Variants in GORAB observed in about 807,000 individuals in gnomAD.
GORAB encodes golgin, RAB6 interacting, also known as RAB6-interacting golgin.
In GORAB, 17 loss-of-function variants were observed where a neutral mutation model predicts 29.9. That is an observed-to-expected ratio of 0.57 (90% CI 0.39 to 0.85). GORAB has a LOEUF of 0.85. Ranked by LOEUF, GORAB falls within the 40% of genes least tolerant of loss-of-function variation. The probability of loss-of-function intolerance (pLI) is 0.00; values close to 1 mark genes in which losing one functional copy is unlikely to be tolerated. For missense variants in GORAB, 442 were observed against 437.8 expected, an observed-to-expected ratio of 1.01 and a Z score of -0.09; for synonymous variants, 183 against 157.2, an observed-to-expected ratio of 1.16 and a Z score of -1.23.
intron 1 of GORAB, 81 bp downstream of exon 1, chr1:170,532,365 G>A: frequency 1.4e-6 from 2 of 1,476,428 alleles, no homozygotes; most frequent in South Asian, 1.1e-5. Context: ...GGGGAAAGGG[G>A]GCGTGGAAGC....
chr1:170,539,406 G>A lies in GORAB; in HGVS notation c.258G>A (p.Pro86=), dbSNP rs377442498. The change falls in exon 2 of 5, where the codon CCG becomes CCA. Residue 86 remains proline, a synonymous_variant. Coordinates refer to ENST00000367763, the MANE Select transcript of GORAB (RefSeq NM_152281.3). ...CACCTTTTTCTTCCCCTACTCTTCC[G>A]AGTCATTTCACTCTCACCTCCCCCG... is the stretch of plus-strand genomic sequence containing the variant. ...QKPPFSSPTL[P]SHFTLTSPVG... is the part of the protein sequence containing the mutation. 1.2e-4 allele frequency: 190 copies of A among 1,613,956 alleles called. No individual in the cohort carries two copies. The highest frequency in any genetic ancestry group is 1.7e-4 in the Admixed American group (10 of 59,990).
intron 2 of GORAB, among the ~76,000 whole-genome samples, chr1:170,542,018 ATATT>A (rs1649462580): frequency 6.6e-6 from 1 of 152,230 alleles, no homozygotes; most frequent in African/African-American, 2.4e-5. Flanking sequence ...TTGAAAGAAA[ATATT>A]AATATATGAA....
At chr1:170,535,033 CTG>C (rs1489496957) in intron 1 of GORAB, among the ~76,000 whole-genome samples, 1 of 152,142 alleles carries the variant, frequency 6.6e-6, no homozygotes, top group Non-Finnish European at 1.5e-5. Context: ...TGGCAGGTGA[CTG>C]TGTTGCACAG....
chr1:170,539,613 C>A, intron 2 of GORAB, 46 bp downstream of exon 2: 2 of 1,574,168 alleles, frequency 1.3e-6, no homozygotes, highest in South Asian at 1.1e-5. Flanking sequence ...TCATTTAACC[C>A]GTTTTTTCCC....
At chr1:170,547,059 G>A (rs1467514300) in intron 4 of GORAB, among the ~76,000 whole-genome samples, 2 of 152,160 alleles carry the variant, frequency 1.3e-5, no homozygotes, top group East Asian at 1.9e-4. Flanking sequence ...GACTAGAACC[G>A]TAGTGTGTCT....
At chr1:170,539,921 A>T (rs1445290162) in intron 2 of GORAB, among the ~76,000 whole-genome samples, 1 of 152,064 alleles carries the variant, frequency 6.6e-6, no homozygotes, top group Non-Finnish European at 1.5e-5. Context: ...TCTGGATCCA[A>T]AGTTTATGCC....
intron 1 of GORAB, 43 bp downstream of exon 1, chr1:170,532,327 G>C (rs760956912): frequency 1.2e-6 from 2 of 1,604,032 alleles, no homozygotes; most frequent in East Asian, 4.5e-5. Flanking sequence ...TGGGTCTTAA[G>C]GGGAAGAGGC....
intron 1 of GORAB, 54 bp from the exon 2 acceptor site, chr1:170,539,156 T>C: frequency 6.2e-7 from 1 of 1,601,206 alleles, no homozygotes; most frequent in East Asian, 2.2e-5. Context: ...TTAGAGGAAT[T>C]ATAATTATTT....
At chr1:170,549,616 C>T (rs1649992174) in intron 4 of GORAB, among the ~76,000 whole-genome samples, 2 of 152,124 alleles carry the variant, frequency 1.3e-5, no homozygotes, top group Non-Finnish European at 2.9e-5. Flanking sequence ...AATGTCAGAA[C>T]TCTTGTCTTG....
At chr1:170,539,624 A>G in intron 2 of GORAB, 57 bp downstream of exon 2, 1 of 1,549,516 alleles carries the variant, frequency 6.5e-7, no homozygotes. Context: ...GTTTTTTCCC[A>G]ATGGGCTTTA....
At chr1:170,532,553 C>T in intron 1 of GORAB, 1 of 449,576 alleles carries the variant, frequency 2.2e-6, no homozygotes, top group East Asian at 4.6e-5. Context: ...AGGAATGGGA[C>T]TTGGGAGAGG....
At chr1:170,535,446 AAG>A (rs1394276044) in intron 1 of GORAB, among the ~76,000 whole-genome samples, 3 of 152,234 alleles carry the variant, frequency 2.0e-5, no homozygotes, top group African/African-American at 7.2e-5. Flanking sequence ...ATTTATTCAG[AAG>A]AGTTATTCTT....
chr1:170,539,376 A>G lies in GORAB; in HGVS notation c.228A>G (p.Gln76=). Residue 76 remains glutamine, a synonymous_variant, in exon 2 of 5, where the codon CAA becomes CAG. Coordinates refer to ENST00000367763, the MANE Select transcript of GORAB (RefSeq NM_152281.3). Reference sequence around the variant, plus strand: ...CACCAAAACAGAGAGTTAACGTTCAAAAACCACCTTTTTCTTCCCCTACTC... The same window carrying G: ...CACCAAAACAGAGAGTTAACGTTCAGAAACCACCTTTTTCTTCCCCTACTC... ...LSAPKQRVNV[Q]KPPFSSPTLP... is the part of the protein sequence containing the mutation. The G allele has an allele frequency of 1.2e-6, 2 of 1,614,144 alleles. No individual in the cohort carries two copies. The highest frequency in any genetic ancestry group is 2.2e-5 in the East Asian group (1 of 44,870).
At chr1:170,543,521 T>C (rs1649568289) in intron 3 of GORAB, among the ~76,000 whole-genome samples, 1 of 152,136 alleles carries the variant, frequency 6.6e-6, no homozygotes, top group Non-Finnish European at 1.5e-5. Flanking sequence ...GATTTTTCTT[T>C]TTCTACTACT....
rs894822983 is a variant in GORAB, at chr1:170,539,206, A to G, written c.62-4A>G. 3.1e-6 allele frequency: 5 copies of G among 1,614,090 alleles called. No homozygotes were observed. Among genetic ancestry groups the G allele is most frequent in the Middle Eastern group, 1.6e-4 (1 of 6,062 alleles). On this transcript the variant is annotated splice_region_variant and splice_polypyrimidine_tract_variant and intron_variant, in intron 1 of 4. Coordinates refer to ENST00000367763, the MANE Select transcript of GORAB (RefSeq NM_152281.3). ...GGAATTTTCCTCTATTTTCTTTTAC[A>G]TAGATCCATTTGAACCACAGCGACG...
rs1649499164 is a variant in GORAB, at chr1:170,542,570, T to C, written c.499T>C (p.Leu167=). The part of the protein sequence containing the change: ...EEKNKRKKAL[L]AKAIAERSKR... ...GAAAAATAAACGTAAAAAAGCTCTT[T>C]TGGCTAAAGCTATTGCAGAAAGGTG... Residue 167 remains leucine, a synonymous_variant, in exon 3 of 5, where the codon TTG becomes CTG. Coordinates refer to ENST00000367763, the MANE Select transcript of GORAB (RefSeq NM_152281.3). 1.2e-6 allele frequency: 2 copies of C among 1,613,494 alleles called. No individual in the cohort carries two copies. The highest frequency in any genetic ancestry group is 1.7e-6 in the Non-Finnish European group (2 of 1,179,508).
At chr1:170,532,917 A>G (rs114009515) in intron 1 of GORAB, among the ~76,000 whole-genome samples, 87 of 152,320 alleles carry the variant, frequency 5.7e-4, no homozygotes, top group Admixed American at 1.6e-3. Context: ...GGAGTAAGCT[A>G]ACCTTGTGCT....
chr1:170,544,596 ATATAAAT>A (rs1649638702), intron 3 of GORAB, 102 bp from the exon 4 acceptor site: 1 of 722,186 alleles, frequency 1.4e-6, no homozygotes, highest in Non-Finnish European at 2.2e-6. Context: ...AACTTTTAAA[ATATAAAT>A]TATAAATGTA....
intron 4 of GORAB, among the ~76,000 whole-genome samples, chr1:170,547,808 T>C (rs1412806084): frequency 6.6e-6 from 1 of 152,208 alleles, no homozygotes; most frequent in Non-Finnish European, 1.5e-5. Flanking sequence ...ATAGTCTAGA[T>C]ACTTGTAAAA....
Sources: gnomAD v4.1 joint callset for allele counts (sites outside exome capture counted in the v4.1 genomes callset) on GRCh38, gnomAD v4.1.1 for gene constraint, MANE v1.5 for transcripts, NCBI Gene and HGNC (gene_info 2026-07-23, HGNC 2026-07-21) for gene names.